The following NCKAP5 variants were observed in gnomAD, a reference collection of about 807,000 sequenced individuals.
NCKAP5 encodes the protein nck-associated protein 5.
NCKAP5 carries 92 observed loss-of-function variants against 167.0 expected under a neutral mutation model. The ratio of observed to expected loss-of-function variants is 0.55; its 90% CI spans 0.47 to 0.66. The LOEUF is 0.66. NCKAP5 is among the 30% of genes least tolerant of loss of function. The pLI is 0.00. For synonymous variants in NCKAP5, 891 were observed against 877.4 expected (o/e 1.02, Z -0.27); for missense variants, 2,378 against 2,315.0 (o/e 1.03, Z -0.56).
the NCKAP5 span, among the ~76,000 whole-genome samples, chr2:133,639,857 C>A: frequency 2.0e-5 from 3 of 152,006 alleles, no homozygotes; most frequent in Admixed American, 1.3e-4. Context: ...AACTAAATGA[C>A]CATCAATAGG....
In NCKAP5 at chr2:132,968,030, C is replaced by A. The variant is rs111378059; in HGVS notation, c.430-4161G>T. On this transcript the variant is annotated intron_variant, in intron 7 of 19. Coordinates refer to ENST00000409261, the MANE Select transcript of NCKAP5 (RefSeq NM_207363.3). ...GCAAGGCAAATACTCGTGGCAGGGC[C>A]AGGCCTGCCTTGCTGGCCAGCTGAG... Among the ~76,000 whole-genome samples the A allele has an allele frequency of 5.4e-3, 820 of 152,186 alleles. 5 individuals carry two copies. The highest frequency in any genetic ancestry group is 8.4e-3 in the Non-Finnish European group (572 of 68,002).
At chr2:133,250,694 T>C (rs11891362) in intron 4 of NCKAP5, among the ~76,000 whole-genome samples, 3,749 of 152,274 alleles carry the variant, frequency 0.025, 148 homozygotes, top group African/African-American at 0.085. Context: ...CCCGGACACT[T>C]TGGGGAGCCA....
intron 3 of NCKAP5, among the ~76,000 whole-genome samples, chr2:133,312,901 T>G (rs1681347282): frequency 6.6e-6 from 1 of 152,232 alleles, no homozygotes. Context: ...GTAGATGTTA[T>G]AGTTTTCCAA....
chr2:132,941,342 T>C (rs1248738820), intron 8 of NCKAP5, among the ~76,000 whole-genome samples: 1 of 152,192 alleles, frequency 6.6e-6, no homozygotes, highest in Non-Finnish European at 1.5e-5. Flanking sequence ...ACATTCATGG[T>C]CCATTCATAC....
chr2:133,155,593 T>C (rs1315486842), intron 5 of NCKAP5, among the ~76,000 whole-genome samples: 3 of 152,206 alleles, frequency 2.0e-5, no homozygotes, highest in African/African-American at 7.2e-5. Context: ...CCCAGATATT[T>C]GGCCAAACAT....
At chr2:133,395,742 C>T (rs991187674) in intron 3 of NCKAP5, among the ~76,000 whole-genome samples, 1 of 152,166 alleles carries the variant, frequency 6.6e-6, no homozygotes, top group African/African-American at 2.4e-5. Context: ...AACTCCTGGG[C>T]TCAAGCGATT....
At chr2:132,794,279 G>A (rs1321132765) in intron 12 of NCKAP5, among the ~76,000 whole-genome samples, 1 of 109,374 alleles carries the variant, frequency 9.1e-6, no homozygotes, top group African/African-American at 3.3e-5. Flanking sequence ...GAGAGAGAGA[G>A]AGAGAGAGAG....
chr2:133,358,452 A>G (rs1040204739), intron 3 of NCKAP5, among the ~76,000 whole-genome samples: 1 of 152,140 alleles, frequency 6.6e-6, no homozygotes, highest in Non-Finnish European at 1.5e-5. Context: ...ATGGTGGTAC[A>G]TGCCTATAGT....
chr2:132,956,947 G>GA (rs940561042), intron 8 of NCKAP5, among the ~76,000 whole-genome samples: 1 of 152,022 alleles, frequency 6.6e-6, no homozygotes, highest in African/African-American at 2.4e-5. Context: ...GCCAGACCTC[G>GA]AAAAATGGGG....
At chr2:132,766,172 C>G (rs1385296958) in intron 16 of NCKAP5, among the ~76,000 whole-genome samples, 1 of 144,712 alleles carries the variant, frequency 6.9e-6, no homozygotes, top group Non-Finnish European at 1.5e-5. Flanking sequence ...CCCAGCTACT[C>G]GGGAGGCTGA....
At chr2:132,915,571 G>A (rs1044340472) in intron 8 of NCKAP5, 6 of 152,290 alleles carry the variant, frequency 3.9e-5, no homozygotes, top group South Asian at 2.1e-4. Flanking sequence ...CAGCCCACTG[G>A]TTGGGGCATC....
chr2:132,742,712 C>A (rs1252489928), intron 16 of NCKAP5, among the ~76,000 whole-genome samples: 1 of 151,808 alleles, frequency 6.6e-6, no homozygotes, highest in Non-Finnish European at 1.5e-5. Flanking sequence ...GAAGAAAGCT[C>A]AAGACTTCAC....
chr2:132,956,769 A>C (rs2076356560), intron 8 of NCKAP5, among the ~76,000 whole-genome samples: 1 of 152,202 alleles, frequency 6.6e-6, no homozygotes, highest in South Asian at 2.1e-4. Flanking sequence ...GCCTTGCCAG[A>C]GCCGAGGATG....
intron 5 of NCKAP5, among the ~76,000 whole-genome samples, chr2:133,197,249 C>T (rs1183334344): frequency 6.6e-6 from 1 of 152,050 alleles, no homozygotes; most frequent in Admixed American, 6.5e-5. Context: ...TGATCATAAA[C>T]ACCACAAAGA....
chr2:132,936,065 T>C (rs563027769), intron 8 of NCKAP5, among the ~76,000 whole-genome samples: 1 of 151,866 alleles, frequency 6.6e-6, no homozygotes, highest in Non-Finnish European at 1.5e-5. Context: ...CACTGTAACG[T>C]CTGCCTCCCA....
chr2:132,800,211 G>A (rs1319703473), intron 11 of NCKAP5, among the ~76,000 whole-genome samples: 3 of 152,078 alleles, frequency 2.0e-5, no homozygotes, highest in African/African-American at 7.2e-5. Context: ...CTTAAGAGGA[G>A]CCCCCCAGCT....
intron 8 of NCKAP5, among the ~76,000 whole-genome samples, chr2:132,959,652 G>T (rs1056047627): frequency 2.0e-5 from 3 of 152,188 alleles, no homozygotes; most frequent in African/African-American, 7.2e-5. Context: ...AAATGCCCAG[G>T]AGTAGGGAAC....
chr2:133,655,039 G>A, the NCKAP5 span, among the ~76,000 whole-genome samples: 103 of 152,132 alleles, frequency 6.8e-4, no homozygotes, highest in East Asian at 0.018. Context: ...TTCTTTCCTT[G>A]GGTTCAACTC....
At chr2:133,545,967 C>T (rs1558771380) in intron 2 of NCKAP5, among the ~76,000 whole-genome samples, 2 of 152,146 alleles carry the variant, frequency 1.3e-5, no homozygotes, top group Non-Finnish European at 1.5e-5. Context: ...GTACTAGATT[C>T]GATTAGTTTA....
Sources: gnomAD v4.1 joint callset for allele counts (sites outside exome capture counted in the v4.1 genomes callset) on GRCh38, gnomAD v4.1.1 for gene constraint, MANE v1.5 for transcripts, NCBI Gene and HGNC (gene_info 2026-07-23, HGNC 2026-07-21) for gene names.